PCDHGA4: variants seen among roughly 807,000 people sequenced by gnomAD.
The protein encoded by PCDHGA4 is protocadherin gamma subfamily A, 4, also known as protocadherin gamma-A4.
Under a neutral mutation model 54.6 loss-of-function variants are expected in PCDHGA4, and 38 were observed. The observed-to-expected ratio is 0.70, with a 90% CI of 0.54 to 0.91. PCDHGA4 has a LOEUF of 0.91. PCDHGA4 is among the 40% of genes least tolerant of loss of function. The pLI is 0.00. For missense variants in PCDHGA4, 1,298 were observed against 1,220.9 expected, an observed-to-expected ratio of 1.06 and a Z score of -0.94; for synonymous variants, 511 against 512.9, an observed-to-expected ratio of 1.00 and a Z score of 0.05.
intron 1 of PCDHGA4, chr5:141,372,953 CTTTG>C: frequency 6.7e-6 from 5 of 745,132 alleles, no homozygotes; most frequent in South Asian, 2.1e-5. Context: ...CTAGGAAATT[CTTTG>C]TAGAATTTCC....
chr5:141,486,278 G>A lies in PCDHGA4; in HGVS notation c.2515-8529G>A. The A allele has an allele frequency of 1.2e-6, 2 of 1,614,088 alleles. No individual in the cohort carries two copies. Among genetic ancestry groups the A allele is most frequent in the South Asian group, 2.2e-5 (2 of 91,068 alleles). On this transcript the variant is annotated intron_variant, in intron 1 of 3. Transcript: ENST00000571252. This position sits in a 1 kb window ranked among gnomAD's most constrained non-coding sequence, Gnocchi z 5.0. The stretch of plus-strand genomic sequence containing the variant: ...CGAGAGTGCAGAACCTGGCACTGTG[G>A]TGGCACTTATCAGTGTGCAGGATCC...
In PCDHGA4 at chr5:141,489,180, CTGGGTCTACCT is replaced by C. The variant is rs906371381; in HGVS notation, c.2515-5623_2515-5613del. 6.3e-5 allele frequency: 79 copies of C among 1,259,748 alleles called. No individual in the cohort carries two copies. The African/African-American group carries it at 9.3e-4, about 15-fold the overall frequency. 78.0% of individuals were successfully genotyped at this position (1,259,748 alleles called of 1,614,324 possible). ...GACTTCAGCTGCTGCATTCCAAGCCCTGGGTCTACCTTGGAGACAGGACAGCACAGACTTAC... is the reference window on the plus strand; with the variant it reads ...GACTTCAGCTGCTGCATTCCAAGCCCTGGAGACAGGACAGCACAGACTTAC... On this transcript the variant is annotated intron_variant, in intron 1 of 3. Coordinates refer to ENST00000571252, the MANE Select transcript of PCDHGA4 (RefSeq NM_018917.4). This position sits in a 1 kb window ranked among gnomAD's most constrained non-coding sequence, Gnocchi z 4.5.
intron 1 of PCDHGA4, chr5:141,400,525 G>C: frequency 2.5e-6 from 4 of 1,613,908 alleles, no homozygotes; most frequent in Non-Finnish European, 2.5e-6. Flanking sequence ...TCCTGAGTTG[G>C]TGAGTTTCAT....
chr5:141,413,400 G>A (rs1328176117), intron 1 of PCDHGA4: 4 of 1,614,060 alleles, frequency 2.5e-6, no homozygotes, highest in Non-Finnish European at 2.5e-6. Context: ...CCAGAGGTAG[G>A]ACGCAGCTTT....
At chr5:141,374,608 T>A in intron 1 of PCDHGA4, 1 of 1,613,602 alleles carries the variant, frequency 6.2e-7, no homozygotes, top group South Asian at 1.1e-5. Context: ...TCAGTGGTAA[T>A]AGTCACTTCT....
intron 1 of PCDHGA4, among the ~76,000 whole-genome samples, chr5:141,381,542 G>T (rs1245817082): frequency 2.0e-5 from 3 of 152,172 alleles, no homozygotes; most frequent in African/African-American, 7.2e-5. Context: ...CTAGGATGAA[G>T]ACTTGAATTG....
At chr5:141,393,335 C>T (rs764386599) in intron 1 of PCDHGA4, 1 of 1,613,458 alleles carries the variant, frequency 6.2e-7, no homozygotes, top group South Asian at 1.1e-5. Flanking sequence ...AGCTCAGCCC[C>T]AATCACCACT....
chr5:141,508,731 A>C (rs1596169554), intron 3 of PCDHGA4, among the ~76,000 whole-genome samples: 6 of 145,538 alleles, frequency 4.1e-5, no homozygotes, highest in African/African-American at 5.1e-5. Context: ...GGGAGACTAC[A>C]CCCCCCACCC....
intron 1 of PCDHGA4, chr5:141,360,961 G>A (rs1761819904): frequency 1.2e-6 from 2 of 1,613,940 alleles, no homozygotes; most frequent in Non-Finnish European, 8.5e-7. Context: ...CATAAACGCA[G>A]AGATCACCTA....
chr5:141,366,865 G>C, intron 1 of PCDHGA4: 2 of 1,405,810 alleles, frequency 1.4e-6, no homozygotes, highest in South Asian at 2.9e-5. Flanking sequence ...ATTATTTGCT[G>C]TATTGGAGAT....
chr5:141,413,992 A>G (rs1437832303), intron 1 of PCDHGA4: 1 of 1,613,538 alleles, frequency 6.2e-7, no homozygotes, highest in Admixed American at 1.7e-5. Flanking sequence ...AGCCACCGAC[A>G]GGGACGAAGG....
At chr5:141,414,155 A>G in intron 1 of PCDHGA4, 1 of 1,601,706 alleles carries the variant, frequency 6.2e-7, no homozygotes, top group Non-Finnish European at 8.5e-7. Context: ...CAAGCAGAAG[A>G]TGGAGGAGCA....
intron 1 of PCDHGA4, chr5:141,478,942 C>G: frequency 1.7e-6 from 1 of 579,218 alleles, no homozygotes; most frequent in Non-Finnish European, 2.9e-6. Context: ...TCTAGGAATA[C>G]AAAAACTACC....
At chr5:141,465,241 G>C (rs2099099198) in intron 1 of PCDHGA4, among the ~76,000 whole-genome samples, 1 of 151,964 alleles carries the variant, frequency 6.6e-6, no homozygotes, top group South Asian at 2.1e-4. Flanking sequence ...CAAGTTCAAG[G>C]CACTTTTGTA....
Position 141,491,900 on chromosome 5 carries a change from G to C in PCDHGA4, c.2515-2907G>C. ...TAAGGGATGGGGCTCCGAGCACCGG[G>C]GGTGGTGGCGACTGTGGGCGAGGGG... On this transcript the variant is annotated intron_variant, in intron 1 of 3. Transcript: ENST00000571252. This position sits in a 1 kb window ranked among gnomAD's most constrained non-coding sequence, Gnocchi z 6.9. 1 of 1,429,936 alleles carries C rather than the reference G, an allele frequency of 7.0e-7. No homozygotes were observed. Among genetic ancestry groups the C allele is most frequent in the South Asian group, 1.5e-5 (1 of 67,072 alleles). 88.6% of individuals were successfully genotyped at this position (1,429,936 alleles called of 1,614,324 possible). A position where few individuals can be genotyped will look rare whatever the true frequency, so the allele number is the denominator to read the frequency against.
At chr5:141,462,547 T>G (rs534942187) in intron 1 of PCDHGA4, among the ~76,000 whole-genome samples, 1 of 152,330 alleles carries the variant, frequency 6.6e-6, no homozygotes, top group African/African-American at 2.4e-5. Flanking sequence ...TCTTTTCTTC[T>G]TCAGTGTTTA....
rs770249472 is a variant in PCDHGA4, at chr5:141,477,747, C to T, written c.2515-17060C>T. On this transcript the variant is annotated intron_variant, in intron 1 of 3. Transcript: ENST00000571252. The surrounding 1 kb of genome is among the most constrained non-coding windows in gnomAD (Gnocchi z 4.9). ...ACAGCTCATATCAGCGATGGGGGCA[C>T]CCCGGTCCTAGCCACCAACATCAGC... 6.2e-7 allele frequency: 1 copy of T among 1,613,840 alleles called. No individual in the cohort carries two copies. The highest frequency in any genetic ancestry group is 1.7e-5 in the Admixed American group (1 of 60,026).
At chr5:141,475,282 G>C (rs942761003) in intron 1 of PCDHGA4, among the ~76,000 whole-genome samples, 2 of 152,150 alleles carry the variant, frequency 1.3e-5, no homozygotes, top group African/African-American at 4.8e-5. Context: ...TGAAAGACAG[G>C]GTAGGGAAAT....
At position 141,476,247 on chromosome 5, in the gene PCDHGA4, G is replaced by C. The variant is rs1439421662; in HGVS notation, c.2515-18560G>C. 1 of 1,614,042 alleles carries C rather than the reference G, an allele frequency of 6.2e-7. No individual in the cohort carries two copies. Among genetic ancestry groups the C allele is most frequent in the Non-Finnish European group, 8.5e-7 (1 of 1,180,010 alleles). ...GAGATCCCGGAGGAAAGAGAGAAGG[G>C]TTTCGCTGTGGGCAACGTGGTCGCG... On this transcript the variant is annotated intron_variant, in intron 1 of 3. Coordinates refer to ENST00000571252, the MANE Select transcript of PCDHGA4 (RefSeq NM_018917.4). The surrounding 1 kb of genome is among the most constrained non-coding windows in gnomAD (Gnocchi z 7.6).
Sources: gnomAD v4.1 joint callset for allele counts (sites outside exome capture counted in the v4.1 genomes callset) on GRCh38, gnomAD v4.1.1 for gene constraint, Gnocchi (gnomAD v3.1) non-coding constraint, MANE v1.5 for transcripts, NCBI Gene and HGNC (gene_info 2026-07-23, HGNC 2026-07-21) for gene names.